Variants in BBS4 observed in about 807,000 individuals in gnomAD.
BBS4 encodes the protein BBSome complex member BBS4.
A neutral mutation model predicts 71.4 loss-of-function variants in BBS4; 58 were observed. The observed-to-expected ratio is 0.81, with a 90% CI of 0.66 to 1.01. The LOEUF (loss-of-function observed/expected upper bound fraction) is 1.01. BBS4 is among the 50% of genes least tolerant of loss of function. BBS4 has a pLI of 0.00. For synonymous variants in BBS4, 228 were observed against 216.8 expected (o/e 1.05, Z -0.46); for missense variants, 660 against 607.9 (o/e 1.09, Z -0.90).
chr15:72,734,400 T>A (rs2065881709), intron 12 of BBS4, among the ~76,000 whole-genome samples: 1 of 152,228 alleles, frequency 6.6e-6, no homozygotes, highest in Non-Finnish European at 1.5e-5. Context: ...CATGCAGCCA[T>A]GAAACTGCAG....
chr15:72,726,338 C>T lies in BBS4; in HGVS notation c.588-1602C>T, dbSNP rs1369178941. ...TGTTGGTCAGGCTGGTCTCGAATTC[C>T]TGGCCTCAAGTGATCTGCTTGCCTT... On this transcript the variant is annotated intron_variant, in intron 8 of 15. Transcript: ENST00000268057. Among the ~76,000 whole-genome samples the T allele has an allele frequency of 2.6e-5, 4 of 152,086 alleles. No homozygotes were observed. In the East Asian group the frequency reaches 7.8e-4, roughly 30 times the overall value.
chr15:72,695,228 G>A lies in BBS4; in HGVS notation c.76G>A (p.Ala26Thr). The change falls in exon 2 of 16, where the codon GCT becomes ACT. Residue 26 changes from alanine (A) to threonine (T), a missense_variant and splice_region_variant. By Grantham distance (58) the Ala-to-Thr change is moderately conservative. Transcript: ENST00000268057. ...TESQKPRQKKAPEFPILEKQN... is the reference protein window; with the variant it reads ...TESQKPRQKKTPEFPILEKQN... ...GTCTCAAAAACCCCGGCAGAAAAAA[G>A]GTCTGTATGCAGTTTCATGGTATGT... 2 of 1,587,146 alleles carry A rather than the reference G, an allele frequency of 1.3e-6. No homozygotes were observed. Among genetic ancestry groups the A allele is most frequent in the Non-Finnish European group, 1.7e-6 (2 of 1,155,948 alleles).
Position 72,712,272 on chromosome 15 carries a change from C to T in BBS4, c.185C>T (p.Thr62Ile), listed in dbSNP as rs1477051174. The change falls in exon 4 of 16, where the codon ACT (threonine) becomes ATT (isoleucine). Residue 62 changes from threonine (T) to isoleucine (I), a missense_variant. Coordinates refer to ENST00000268057, the MANE Select transcript of BBS4 (RefSeq NM_033028.5). ...GTTATCAAAGAACAGCTTCAAGAGA[C>T]TCAGGGATTGTGTGAATATGCTATC... ...KAVIKEQLQE[T>I]QGLCEYAIYV... is the part of the protein sequence containing the mutation. The T allele has an allele frequency of 2.5e-6, 4 of 1,614,110 alleles. No individual in the cohort carries two copies. Among genetic ancestry groups the T allele is most frequent in the Non-Finnish European group, 3.4e-6 (4 of 1,179,974 alleles).
chr15:72,698,954 C>T (rs549680396), intron 2 of BBS4, among the ~76,000 whole-genome samples: 14 of 152,190 alleles, frequency 9.2e-5, no homozygotes, highest in Non-Finnish European at 1.9e-4. Flanking sequence ...CATGAAACCA[C>T]TGTCACAGTC....
At chr15:72,706,762 T>C (rs1275151306) in intron 2 of BBS4, among the ~76,000 whole-genome samples, 1 of 152,232 alleles carries the variant, frequency 6.6e-6, no homozygotes, top group Non-Finnish European at 1.5e-5. Context: ...TACTTTCTGT[T>C]ATAATTTCTT....
Position 72,709,792 on chromosome 15 carries a change from CATA to C in BBS4, c.156+21_156+23del. On this transcript the variant is annotated intron_variant, in intron 3 of 15. Coordinates refer to ENST00000268057, the MANE Select transcript of BBS4 (RefSeq NM_033028.5). ...TGAAGCCTGCAAGGTAAGAGATTGC[CATA>C]ATAATAAAAATGAGAGGCAGGATGT... is the stretch of plus-strand genomic sequence containing the variant. 6.2e-7 allele frequency: 1 copy of C among 1,606,200 alleles called. No individual in the cohort carries two copies. The highest frequency in any genetic ancestry group is 8.5e-7 in the Non-Finnish European group (1 of 1,173,556).
At chr15:72,688,191 C>T (rs2064909111) in intron 1 of BBS4, among the ~76,000 whole-genome samples, 1 of 151,618 alleles carries the variant, frequency 6.6e-6, no homozygotes, top group African/African-American at 2.4e-5. Context: ...GAACTTGAGT[C>T]TGTGACGGCA....
chr15:72,735,982 G>T lies in BBS4; in HGVS notation c.1248+16G>T. On this transcript the variant is annotated intron_variant, in intron 14 of 15. Transcript: ENST00000268057. ...TGACTCTGAGGTATGTCTTTTATTA[G>T]CTCCCAAGAGTCATAAGTAAGCTCT... The T allele has an allele frequency of 6.2e-7, 1 of 1,613,914 alleles. No individual in the cohort carries two copies. The highest frequency in any genetic ancestry group is 1.1e-5 in the South Asian group (1 of 91,054).
intron 7 of BBS4, among the ~76,000 whole-genome samples, chr15:72,723,845 G>C (rs2065619210): frequency 6.8e-6 from 1 of 147,406 alleles, no homozygotes; most frequent in African/African-American, 2.7e-5. Context: ...TTCTGAGTCA[G>C]GGGAAAAGAA....
chr15:72,713,112 C>G (rs770684279), intron 4 of BBS4, among the ~76,000 whole-genome samples: 21 of 151,802 alleles, frequency 1.4e-4, no homozygotes, highest in Non-Finnish European at 2.4e-4. Flanking sequence ...GCCTCAGCCT[C>G]TCAAAGTGCT....
intron 12 of BBS4, among the ~76,000 whole-genome samples, chr15:72,733,298 T>C (rs2065861756): frequency 6.6e-6 from 1 of 151,798 alleles, no homozygotes; most frequent in Non-Finnish European, 1.5e-5. Flanking sequence ...CCTCTCTCTT[T>C]TTTTAAAAAT....
intron 10 of BBS4, among the ~76,000 whole-genome samples, chr15:72,730,394 C>G (rs2065791463): frequency 6.6e-6 from 1 of 152,028 alleles, no homozygotes. Flanking sequence ...GCCAGGAGTT[C>G]AAGACCAGGC....
chr15:72,729,706 C>G, intron 10 of BBS4, 22 bp downstream of exon 10: 8 of 1,600,708 alleles, frequency 5.0e-6, no homozygotes, highest in Non-Finnish European at 6.9e-6. Flanking sequence ...TGTGAAGGCT[C>G]TGGCCTTCAT....
At chr15:72,722,913 T>C (rs959843033) in intron 7 of BBS4, 66 bp downstream of exon 7, 12 of 1,382,564 alleles carry the variant, frequency 8.7e-6, no homozygotes, top group Middle Eastern at 1.8e-4. Flanking sequence ...GTTACATTGC[T>C]CATTTGGTAT....
At chr15:72,736,985 T>G in intron 15 of BBS4, 22 bp downstream of exon 15, 1 of 1,612,658 alleles carries the variant, frequency 6.2e-7, no homozygotes, top group Non-Finnish European at 8.5e-7. Context: ...CAGAGCTCCA[T>G]GAAGACCTGG....
Position 72,736,964 on chromosome 15 carries a change from G to A in BBS4, c.1450+1G>A. 7 of 1,614,008 alleles carry A rather than the reference G, an allele frequency of 4.3e-6. No individual in the cohort carries two copies. Among genetic ancestry groups the A allele is most frequent in the Non-Finnish European group, 5.9e-6 (7 of 1,179,984 alleles). On this transcript the variant is annotated splice_donor_variant, in intron 15 of 15. Coordinates refer to ENST00000268057, the MANE Select transcript of BBS4 (RefSeq NM_033028.5). LOFTEE classifies it high-confidence loss of function. Reference sequence around the variant, plus strand: ...GCTGCATACAGGACGCTCCCCTCAGGTAGGACCATACAGAGCTCCATGAAG... The same window carrying A: ...GCTGCATACAGGACGCTCCCCTCAGATAGGACCATACAGAGCTCCATGAAG...
At chr15:72,707,850 G>C (rs759997387) in intron 2 of BBS4, among the ~76,000 whole-genome samples, 70 of 152,264 alleles carry the variant, frequency 4.6e-4, no homozygotes, top group Admixed American at 1.0e-3. Context: ...GACTCAACTA[G>C]ATTTTTTTCA....
chr15:72,729,834 T>C, intron 10 of BBS4, 150 bp downstream of exon 10: 2 of 675,382 alleles, frequency 3.0e-6, no homozygotes, highest in Non-Finnish European at 5.2e-6. Flanking sequence ...TCTTCTTATT[T>C]GAAAATAGTG....
intron 6 of BBS4, among the ~76,000 whole-genome samples, chr15:72,720,173 A>G (rs1019376490): frequency 1.3e-5 from 2 of 151,558 alleles, no homozygotes; most frequent in African/African-American, 4.9e-5. Context: ...TACATATTTC[A>G]TAAGTACCTG....
Sources: allele counts gnomAD v4.1 joint callset (sites outside exome capture counted in the v4.1 genomes callset), GRCh38; gene constraint gnomAD v4.1.1; transcripts MANE v1.5; gene names NCBI Gene and HGNC (gene_info 2026-07-23, HGNC 2026-07-21).